TCEANC2: variants seen among roughly 807,000 people sequenced by gnomAD.
TCEANC2 encodes transcription elongation factor A N-terminal and central domain-containing protein 2.
TCEANC2 carries 20 observed loss-of-function variants against 22.8 expected under a neutral mutation model. The ratio of observed to expected loss-of-function variants is 0.88; its 90% CI spans 0.62 to 1.28. The LOEUF (loss-of-function observed/expected upper bound fraction) is 1.28, where lower values mean the gene tolerates loss of function less well. TCEANC2 is among the 50% of genes most tolerant of loss of function. The pLI, the probability that TCEANC2 is intolerant of heterozygous loss-of-function variation, is 0.00. For missense variants in TCEANC2, 251 were observed against 249.7 expected (o/e 1.01, Z -0.03); for synonymous variants, 84 against 95.5 (o/e 0.88, Z 0.70).
chr1:54,080,393 C>T (rs1658217992), intron 3 of TCEANC2, among the ~76,000 whole-genome samples: 1 of 152,120 alleles, frequency 6.6e-6, no homozygotes, highest in East Asian at 1.9e-4. Flanking sequence ...ATCTCCCCAC[C>T]TCAGCCTCCT....
chr1:54,074,937 G>T (rs1329943358), intron 3 of TCEANC2, among the ~76,000 whole-genome samples: 1 of 152,180 alleles, frequency 6.6e-6, no homozygotes, highest in South Asian at 2.1e-4. Flanking sequence ...AGATGGAAAA[G>T]GATCCTAACA....
rs2100389861 is a variant in TCEANC2 at position 54,097,126 on chromosome 1, G to A, written c.*653G>A. On this transcript the variant is annotated 3_prime_UTR_variant, in exon 5 of 5. Coordinates refer to ENST00000234827, the MANE Select transcript of TCEANC2 (RefSeq NM_153035.3). ...CACACCTCAGGGTTTATTTGAATAC[G>A]CTGGCGCTCTCAGTTTAGGGCTCTG... 1 of 279,814 alleles carries A rather than the reference G, an allele frequency of 3.6e-6. No individual in the cohort carries two copies. The highest frequency in any genetic ancestry group is 5.4e-6 in the Non-Finnish European group (1 of 184,472). The allele number at this position is 279,814 out of a possible 1,614,324, so 17.3% of individuals were successfully genotyped here.
chr1:54,063,671 G>A (rs1657897432), intron 2 of TCEANC2, among the ~76,000 whole-genome samples: 1 of 152,192 alleles, frequency 6.6e-6, no homozygotes, highest in African/African-American at 2.4e-5. Context: ...TGCTCAACCA[G>A]TACGTATAAT....
At chr1:54,060,011 T>C (rs1460241756) in intron 2 of TCEANC2, among the ~76,000 whole-genome samples, 1 of 152,136 alleles carries the variant, frequency 6.6e-6, no homozygotes, top group Non-Finnish European at 1.5e-5. Flanking sequence ...CTCATGCCTA[T>C]AATCCCAGCA....
intron 2 of TCEANC2, among the ~76,000 whole-genome samples, chr1:54,061,583 T>C (rs1308806358): frequency 1.3e-5 from 2 of 152,198 alleles, no homozygotes; most frequent in African/African-American, 4.8e-5. Context: ...ATCTTAATAA[T>C]AGCTTTGTGA....
rs537491323 is a variant in TCEANC2, at chr1:54,073,433, C to T, written c.244+4536C>T. Among the ~76,000 whole-genome samples the T allele has an allele frequency of 3.9e-4, 59 of 152,340 alleles. 1 individual carries two copies. The highest frequency in any genetic ancestry group is 1.4e-3 in the African/African-American group (57 of 41,566). ...CAGTATGAGAGTCCCAGCTCCCCTC[C>T]TCGCTACTGGCCCACAGCTAAGTAT... is the stretch of plus-strand genomic sequence containing the variant. On this transcript the variant is annotated intron_variant, in intron 3 of 4. Transcript: ENST00000234827.
At chr1:54,067,282 A>G (rs1657974371) in intron 2 of TCEANC2, among the ~76,000 whole-genome samples, 1 of 152,178 alleles carries the variant, frequency 6.6e-6, no homozygotes, top group South Asian at 2.1e-4. Flanking sequence ...TGGGTCCACA[A>G]AGATACTTGG....
chr1:54,062,415 T>G (rs75789159), intron 2 of TCEANC2, among the ~76,000 whole-genome samples: 1 of 152,222 alleles, frequency 6.6e-6, no homozygotes, highest in African/African-American at 2.4e-5. Context: ...AATAGACTGA[T>G]GTTTTTCCTA....
At chr1:54,056,726 G>T (rs1292009498) in intron 2 of TCEANC2, among the ~76,000 whole-genome samples, 2 of 152,048 alleles carry the variant, frequency 1.3e-5, no homozygotes, top group East Asian at 3.9e-4. Context: ...GAAAATAAAT[G>T]ATGTGAAAAT....
At chr1:54,083,726 G>A (rs1218759366) in intron 3 of TCEANC2, among the ~76,000 whole-genome samples, 1 of 152,132 alleles carries the variant, frequency 6.6e-6, no homozygotes, top group East Asian at 1.9e-4. Context: ...AGGCTGTTAG[G>A]TTTGTTGACA....
chr1:54,056,683 G>A (rs554293356), intron 2 of TCEANC2, among the ~76,000 whole-genome samples: 14 of 152,100 alleles, frequency 9.2e-5, no homozygotes, highest in South Asian at 6.3e-4. Flanking sequence ...GTTCCTGCTC[G>A]TGCCCTAGTT....
intron 4 of TCEANC2, chr1:54,090,208 C>T (rs1658416256): frequency 4.5e-6 from 1 of 223,482 alleles, no homozygotes; most frequent in South Asian, 1.5e-4. Context: ...AAATAAAGTA[C>T]ATTTGAAACC....
downstream of TCEANC2, chr1:54,106,157 T>G (rs1570036331): frequency 6.6e-6 from 1 of 152,206 alleles, no homozygotes; most frequent in African/African-American, 2.4e-5. Context: ...TTTACATATG[T>G]GCAAAGGAGG....
intron 2 of TCEANC2, among the ~76,000 whole-genome samples, chr1:54,060,992 G>A (rs1657844155): frequency 6.6e-6 from 1 of 152,072 alleles, no homozygotes; most frequent in South Asian, 2.1e-4. Flanking sequence ...CTTAGTCCCT[G>A]TTTTAGTGCC....
At chr1:54,095,586 A>C (rs1203720168) in intron 4 of TCEANC2, among the ~76,000 whole-genome samples, 1 of 152,210 alleles carries the variant, frequency 6.6e-6, no homozygotes, top group Non-Finnish European at 1.5e-5. Context: ...ACCACCCCAG[A>C]ATTGCTACAG....
rs1658590591 is a variant in TCEANC2 at position 54,097,927 on chromosome 1, G to A, written c.*1454G>A. ...CCATTTTACAAAAAGAAAATACCCA[G>A]TTAAACATGAGAAAAGTGAGGCTCA... On this transcript the variant is annotated 3_prime_UTR_variant, in exon 5 of 5. Transcript: ENST00000234827. The A allele has an allele frequency of 6.6e-6, 1 of 152,168 alleles. No individual in the cohort carries two copies. Among genetic ancestry groups the A allele is most frequent in the African/African-American group, 2.4e-5 (1 of 41,434 alleles). 9.4% of individuals were successfully genotyped at this position (152,168 alleles called of 1,614,324 possible). A position where few individuals can be genotyped will look rare whatever the true frequency, so the allele number is the denominator to read the frequency against.
chr1:54,106,332 T>C (rs558561912), downstream of TCEANC2, among the ~76,000 whole-genome samples: 1 of 152,312 alleles, frequency 6.6e-6, no homozygotes, highest in South Asian at 2.1e-4. Context: ...CACTATCTAA[T>C]AGAAATATAA....
chr1:54,065,050 G>C (rs963693686), intron 2 of TCEANC2, among the ~76,000 whole-genome samples: 1 of 151,998 alleles, frequency 6.6e-6, no homozygotes, highest in Admixed American at 6.6e-5. Context: ...ATCAGCCTTA[G>C]GTTCCCTGCC....
intron 4 of TCEANC2, among the ~76,000 whole-genome samples, chr1:54,092,786 G>A (rs1295856035): frequency 6.6e-6 from 1 of 152,180 alleles, no homozygotes. Flanking sequence ...ATCACTAATT[G>A]GTTATGACAC....
Sources: allele counts gnomAD v4.1 joint callset (sites outside exome capture counted in the v4.1 genomes callset), GRCh38; gene constraint gnomAD v4.1.1; transcripts MANE v1.5; gene names NCBI Gene and HGNC (gene_info 2026-07-23, HGNC 2026-07-21).